The following LDB2 variants were observed in gnomAD, a reference collection of about 807,000 sequenced individuals.
LDB2 encodes the protein LIM domain-binding protein 2.
In LDB2, 12 loss-of-function variants were observed where a neutral mutation model predicts 44.3. That is an observed-to-expected ratio of 0.27 (90% CI 0.17 to 0.44). The LOEUF (loss-of-function observed/expected upper bound fraction) is 0.44. Among genes scored for constraint, LDB2 ranks in the 20% least tolerant of loss-of-function variants. The pLI is 1.00. For missense variants in LDB2, 344 were observed against 473.5 expected, an observed-to-expected ratio of 0.73 and a Z score of 2.54; for synonymous variants, 164 against 174.8, an observed-to-expected ratio of 0.94 and a Z score of 0.49.
chr4:16,725,864 T>C lies in LDB2; in HGVS notation c.235+33294A>G, dbSNP rs528847049. Among the ~76,000 whole-genome samples, 3 of 141,990 alleles carry C rather than the reference T, an allele frequency of 2.1e-5. No individual in the cohort carries two copies. The South Asian group carries it at 6.6e-4, about 31-fold the overall frequency. The allele number at this position is 141,990 out of a possible 152,430, so 93.2% of individuals were successfully genotyped here. ...CTCATTTGGTTGGTCTTCATTTATG[T>C]GCATGTATATATATATTTATGTGTA... On this transcript the variant is annotated intron_variant, in intron 2 of 7. Transcript: ENST00000304523.
rs1033667001 is a variant in LDB2, at chr4:16,812,413, G to A, written c.133-53153C>T. On this transcript the variant is annotated intron_variant, in intron 1 of 7. Transcript: ENST00000304523. ...AGTAGTAGTTAAAGTTTTAACATACGGTTGCTTGTTTTGTTCCCCTAAATT... is the reference window on the plus strand; with the variant it reads ...AGTAGTAGTTAAAGTTTTAACATACAGTTGCTTGTTTTGTTCCCCTAAATT... 3.3e-5 allele frequency among the ~76,000 whole-genome samples: 5 copies of A among 151,800 alleles called. No homozygotes were observed. In the South Asian group the frequency reaches 6.2e-4, roughly 19 times the overall value.
intron 1 of LDB2, among the ~76,000 whole-genome samples, chr4:16,825,716 C>T (rs1332796120): frequency 6.6e-6 from 1 of 151,910 alleles, no homozygotes; most frequent in African/African-American, 2.4e-5. Flanking sequence ...GAAAAACATC[C>T]AGAGCACGGC....
chr4:16,868,118 A>C (rs182356813), intron 1 of LDB2, among the ~76,000 whole-genome samples: 34 of 152,274 alleles, frequency 2.2e-4, no homozygotes, highest in Admixed American at 9.2e-4. Context: ...GTGGACCTTA[A>C]TAGATTATCT....
At chr4:16,766,507 T>TAA (rs1769314740) in intron 1 of LDB2, among the ~76,000 whole-genome samples, 1 of 63,032 alleles carries the variant, frequency 1.6e-5, no homozygotes, top group African/African-American at 4.7e-5. Context: ...TGTGTGTGTA[T>TAA]ATATTTTTTT....
chr4:16,822,552 T>G lies in LDB2; in HGVS notation c.133-63292A>C, dbSNP rs141076787. Among the ~76,000 whole-genome samples, 1,129 of 152,228 alleles carry G rather than the reference T, an allele frequency of 7.4e-3. 15 individuals carry two copies. The highest frequency in any genetic ancestry group is 0.026 in the African/African-American group (1,076 of 41,530). ...TCTTTTTGAGACAGAGTCTTGCTCT[T>G]TCGCCCTGGCTGGAGTGCTACAGTG... On this transcript the variant is annotated intron_variant, in intron 1 of 7. Coordinates refer to ENST00000304523, the MANE Select transcript of LDB2 (RefSeq NM_001290.5).
chr4:16,568,822 G>A lies in LDB2; in HGVS notation c.615+17100C>T, dbSNP rs115322696. On this transcript the variant is annotated intron_variant, in intron 5 of 7. Transcript: ENST00000304523. Reference sequence around the variant, plus strand: ...CAGTTCAAACTGATGTTGTTCAAGGGTGAACTGTGCAATTAATGTTGAAGT... The same window carrying A: ...CAGTTCAAACTGATGTTGTTCAAGGATGAACTGTGCAATTAATGTTGAAGT... Among the ~76,000 whole-genome samples, 181 of 152,312 alleles carry A rather than the reference G, an allele frequency of 1.2e-3. 1 individual carries two copies. The highest frequency in any genetic ancestry group is 4.0e-3 in the African/African-American group (167 of 41,568).
chr4:16,768,473 AG>A (rs1174079577), intron 1 of LDB2, among the ~76,000 whole-genome samples: 1 of 152,188 alleles, frequency 6.6e-6, no homozygotes, highest in East Asian at 1.9e-4. Flanking sequence ...GAAATGACCG[AG>A]GCAGAAACAC....
At chr4:16,609,351 C>CGGGGGG (rs71181179) in intron 2 of LDB2, among the ~76,000 whole-genome samples, 5 of 108,916 alleles carry the variant, frequency 4.6e-5, no homozygotes, top group Admixed American at 9.1e-5. Context: ...GGGGAGGGGG[C>CGGGGGG]GGGGGGGGGA....
chr4:16,875,518 A>AAATC (rs886830747), intron 1 of LDB2, among the ~76,000 whole-genome samples: 2 of 152,242 alleles, frequency 1.3e-5, no homozygotes, highest in African/African-American at 2.4e-5. Context: ...TTATTTTTAA[A>AAATC]AATCAACTGC....
At chr4:16,820,662 C>A (rs910076159) in intron 1 of LDB2, among the ~76,000 whole-genome samples, 2 of 152,120 alleles carry the variant, frequency 1.3e-5, no homozygotes, top group African/African-American at 4.8e-5. Flanking sequence ...CTCATGTGTA[C>A]CACGCTTTCT....
intron 2 of LDB2, among the ~76,000 whole-genome samples, chr4:16,636,236 G>A (rs551202452): frequency 3.7e-4 from 57 of 152,288 alleles, no homozygotes; most frequent in Admixed American, 1.7e-3. Flanking sequence ...ACACCACAAC[G>A]TCAGTGACAG....
intron 2 of LDB2, among the ~76,000 whole-genome samples, chr4:16,690,343 A>G (rs1029838664): frequency 2.0e-5 from 3 of 151,350 alleles, no homozygotes; most frequent in Admixed American, 1.3e-4. Context: ...CACACTTATA[A>G]TCCAGCTACT....
chr4:16,858,241 A>G (rs982132542), intron 1 of LDB2, among the ~76,000 whole-genome samples: 10 of 152,224 alleles, frequency 6.6e-5, no homozygotes, highest in Non-Finnish European at 1.2e-4. Flanking sequence ...AGCTGTGCCA[A>G]TAATACTCAA....
intron 5 of LDB2, among the ~76,000 whole-genome samples, chr4:16,574,121 A>G (rs1286682567): frequency 1.3e-5 from 2 of 152,172 alleles, no homozygotes; most frequent in Non-Finnish European, 2.9e-5. Flanking sequence ...GCAGGGACCA[A>G]TGTTCTTTAA....
intron 1 of LDB2, chr4:16,889,391 A>C (rs1722678135): frequency 6.6e-6 from 1 of 152,206 alleles, no homozygotes; most frequent in Non-Finnish European, 1.5e-5. Flanking sequence ...AAATATTTTT[A>C]ATCAGAAGTC....
At chr4:16,620,997 A>G (rs1201305705) in intron 2 of LDB2, among the ~76,000 whole-genome samples, 1 of 152,190 alleles carries the variant, frequency 6.6e-6, no homozygotes, top group Non-Finnish European at 1.5e-5. Flanking sequence ...TTCACTGACT[A>G]ATAGTTGGCA....
At chr4:16,870,692 G>C (rs537727105) in intron 1 of LDB2, among the ~76,000 whole-genome samples, 1 of 151,852 alleles carries the variant, frequency 6.6e-6, no homozygotes, top group Non-Finnish European at 1.5e-5. Flanking sequence ...GGAGTGCAGC[G>C]GTGCAATCTC....
chr4:16,600,885 G>A (rs1722397526), intron 2 of LDB2, among the ~76,000 whole-genome samples: 1 of 152,028 alleles, frequency 6.6e-6, no homozygotes, highest in Admixed American at 6.6e-5. Flanking sequence ...TGTAATACAA[G>A]CTGGGAGCTC....
At chr4:16,612,688 C>T (rs1726012185) in intron 2 of LDB2, among the ~76,000 whole-genome samples, 1 of 152,108 alleles carries the variant, frequency 6.6e-6, no homozygotes, top group Non-Finnish European at 1.5e-5. Context: ...CAATAACAAG[C>T]TCTGAAATTT....
Sources: allele counts gnomAD v4.1 joint callset (sites outside exome capture counted in the v4.1 genomes callset), GRCh38; gene constraint gnomAD v4.1.1; transcripts MANE v1.5; gene names NCBI Gene and HGNC (gene_info 2026-07-23, HGNC 2026-07-21).